Variants in MED13L observed in about 807,000 individuals in gnomAD.
MED13L encodes mediator complex subunit 13L, also known as mediator of RNA polymerase II transcription subunit 13-like.
A neutral mutation model predicts 220.9 loss-of-function variants in MED13L; 7 were observed. That is an observed-to-expected ratio of 0.03 (90% CI 0.02 to 0.06). The LOEUF (loss-of-function observed/expected upper bound fraction) is 0.06. MED13L is among the 10% of genes least tolerant of loss of function. The probability of loss-of-function intolerance (pLI) is 1.00; values close to 1 mark genes in which losing one functional copy is unlikely to be tolerated. For synonymous variants in MED13L, 1,011 were observed against 1,015.2 expected (o/e 1.00, Z 0.08); for missense variants, 1,965 against 2,760.5 (o/e 0.71, Z 6.46).
intron 14 of MED13L, among the ~76,000 whole-genome samples, chr12:115,999,203 AG>A (rs1878593019): frequency 6.6e-6 from 1 of 152,208 alleles, no homozygotes; most frequent in Non-Finnish European, 1.5e-5. Flanking sequence ...ATTTGAGGTC[AG>A]GAGTTCGAGA....
At chr12:116,272,630 C>T (rs1023221845) in intron 1 of MED13L, among the ~76,000 whole-genome samples, 38 of 152,180 alleles carry the variant, frequency 2.5e-4, no homozygotes, top group African/African-American at 9.2e-4. Context: ...ACATACTATC[C>T]TAAACACACC....
At chr12:116,232,867 G>C (rs558522231) in intron 2 of MED13L, among the ~76,000 whole-genome samples, 1 of 152,040 alleles carries the variant, frequency 6.6e-6, no homozygotes, top group Non-Finnish European at 1.5e-5. Flanking sequence ...CGGGCGGATC[G>C]ATTGAGGTTG....
chr12:116,188,358 T>TA (rs904481928), intron 2 of MED13L, among the ~76,000 whole-genome samples: 2 of 151,456 alleles, frequency 1.3e-5, no homozygotes, highest in Non-Finnish European at 2.9e-5. Context: ...TTCAACAACT[T>TA]ACAAAGAATG....
At chr12:116,250,006 A>G (rs1237453407) in intron 1 of MED13L, among the ~76,000 whole-genome samples, 2 of 139,218 alleles carry the variant, frequency 1.4e-5, no homozygotes, top group Admixed American at 1.4e-4. Context: ...AGTTCAGTGA[A>G]CCCTAATGCA....
chr12:116,261,492 CAAA>C (rs35601745), intron 1 of MED13L, among the ~76,000 whole-genome samples: 5 of 58,140 alleles, frequency 8.6e-5, no homozygotes, highest in Admixed American at 2.0e-4. Context: ...AACTCAGTCT[CAAA>C]AAAAAAAAAA....
At chr12:116,162,871 G>A (rs1056767163) in intron 2 of MED13L, among the ~76,000 whole-genome samples, 6 of 152,028 alleles carry the variant, frequency 3.9e-5, no homozygotes, top group Non-Finnish European at 7.4e-5. Context: ...GATCATTGAA[G>A]TCTTATTAAA....
At chr12:116,007,230 C>T in intron 11 of MED13L, 181 bp downstream of exon 11, 1 of 657,172 alleles carries the variant, frequency 1.5e-6, no homozygotes, top group South Asian at 1.8e-5. Context: ...CAAAGGTGAG[C>T]CATGACATAA....
chr12:115,991,504 G>C lies in MED13L; in HGVS notation c.3450C>G (p.Pro1150=), dbSNP rs78561507. Residue 1150 remains proline, a synonymous_variant, in exon 17 of 31, where the codon CCC becomes CCG. Transcript: ENST00000281928. This position sits in a 1 kb window ranked among gnomAD's most constrained non-coding sequence, Gnocchi z 7.7. ...IKGADVGLYI[P]DSSNEDQYRC... is the part of the protein sequence containing the mutation. Reference sequence around the variant, plus strand: ...GGTACTGGTCCTCATTGGAAGAATCGGGGATGTAAAGCCCGACATCCGCCC... The same window carrying C: ...GGTACTGGTCCTCATTGGAAGAATCCGGGATGTAAAGCCCGACATCCGCCC... 6.2e-7 allele frequency: 1 copy of C among 1,614,134 alleles called. No homozygotes were observed. Among genetic ancestry groups the C allele is most frequent in the East Asian group, 2.2e-5 (1 of 44,864 alleles).
intron 4 of MED13L, among the ~76,000 whole-genome samples, chr12:116,047,601 A>G (rs1406240867): frequency 6.6e-6 from 1 of 152,214 alleles, no homozygotes; most frequent in Non-Finnish European, 1.5e-5. Context: ...GATTAAGATA[A>G]CCAGGAAATA....
At position 116,276,963 on chromosome 12, in the gene MED13L, A is replaced by C. The variant is rs573673791; in HGVS notation, c.72+97T>G. 2.9e-4 allele frequency: 389 copies of C among 1,320,792 alleles called. 1 individual carries two copies. The African/African-American group carries it at 5.1e-3, about 17-fold the overall frequency. 81.8% of individuals were successfully genotyped at this position (1,320,792 alleles called of 1,614,324 possible). A position where few individuals can be genotyped will look rare whatever the true frequency, so the allele number is the denominator to read the frequency against. ...GCGGGGAGACGCGAGGGAGGGGCGAAGTCCCGGCGGCGGGAGGAGAAAGTT... is the reference window on the plus strand; with the variant it reads ...GCGGGGAGACGCGAGGGAGGGGCGACGTCCCGGCGGCGGGAGGAGAAAGTT... On this transcript the variant is annotated intron_variant, in intron 1 of 30. Coordinates refer to ENST00000281928, the MANE Select transcript of MED13L (RefSeq NM_015335.5).
rs983714073 is a variant in MED13L at position 116,065,442 on chromosome 12, T to C, written c.479+31227A>G. 5.3e-5 allele frequency among the ~76,000 whole-genome samples: 8 copies of C among 152,328 alleles called. No homozygotes were observed. In the East Asian group the frequency reaches 5.8e-4, roughly 11 times the overall value. On this transcript the variant is annotated intron_variant, in intron 4 of 30. Coordinates refer to ENST00000281928, the MANE Select transcript of MED13L (RefSeq NM_015335.5). ...TCACTTTCACCATCATAGTGTCATA[T>C]TGATTTTTTACAATATGATCTGAAG...
At chr12:116,164,119 G>A (rs1232833006) in intron 2 of MED13L, among the ~76,000 whole-genome samples, 1 of 152,112 alleles carries the variant, frequency 6.6e-6, no homozygotes, top group Non-Finnish European at 1.5e-5. Context: ...AGCTATGACT[G>A]GGTTCAATGC....
In MED13L at chr12:116,119,811, A is replaced by T. The variant is rs1337227690; in HGVS notation, c.311-8299T>A. Among the ~76,000 whole-genome samples the T allele has an allele frequency of 1.4e-3, 29 of 21,356 alleles. No homozygotes were observed. In the East Asian group the frequency reaches 0.019, roughly 14 times the overall value. The allele number at this position is 21,356 out of a possible 152,430, so 14.0% of individuals were successfully genotyped here. A position where few individuals can be genotyped will look rare whatever the true frequency, so the allele number is the denominator to read the frequency against. On this transcript the variant is annotated intron_variant, in intron 2 of 30. Coordinates refer to ENST00000281928, the MANE Select transcript of MED13L (RefSeq NM_015335.5). ...AAGAGAGAAAGACCCCATATCTTTA[A>T]AAAAAAAAAAAAAAAAAAAAAAAAA... is the stretch of plus-strand genomic sequence containing the variant.
At chr12:116,276,746 G>C (rs971050498) in intron 1 of MED13L, 2 of 1,285,376 alleles carry the variant, frequency 1.6e-6, no homozygotes, top group African/African-American at 1.5e-5. Context: ...GAGGAGAAGG[G>C]GAGTGCGATT....
intron 1 of MED13L, among the ~76,000 whole-genome samples, chr12:116,256,231 A>G (rs1183665707): frequency 6.6e-6 from 1 of 151,990 alleles, no homozygotes; most frequent in Non-Finnish European, 1.5e-5. Flanking sequence ...AAAGCAGTAC[A>G]TTAATTTTCA....
chr12:115,997,072 G>A lies in MED13L; in HGVS notation c.2728C>T (p.Leu910Phe), dbSNP rs1336893095. Residue 910 changes from leucine (L) to phenylalanine (F), a missense_variant, in exon 15 of 31, where the codon CTC becomes TTC. This residue lies in a region of MED13L where 233 missense variants were observed against 306.2 expected (regional missense o/e 0.76). Coordinates refer to ENST00000281928, the MANE Select transcript of MED13L (RefSeq NM_015335.5). ...SPMVSMVSTQ[L>F]TEFKMEVEDG... The stretch of plus-strand genomic sequence containing the variant: ...TCCACTTCCATTTTGAATTCTGTGA[G>A]TTGTGTTGAAACCATACTGACCATA... The A allele has an allele frequency of 6.2e-7, 1 of 1,614,140 alleles. No individual in the cohort carries two copies. Among genetic ancestry groups the A allele is most frequent in the Non-Finnish European group, 8.5e-7 (1 of 1,180,014 alleles).
chr12:116,060,390 C>A (rs1301784732), intron 4 of MED13L, among the ~76,000 whole-genome samples: 1 of 151,934 alleles, frequency 6.6e-6, no homozygotes. Flanking sequence ...CCAGCCTGGG[C>A]AACACGGTAA....
chr12:116,211,070 A>G (rs1282729118), intron 2 of MED13L, among the ~76,000 whole-genome samples: 1 of 152,190 alleles, frequency 6.6e-6, no homozygotes, highest in Non-Finnish European at 1.5e-5. Flanking sequence ...AAACTTCGTG[A>G]CACTCTAATT....
At chr12:115,987,061 G>T in intron 18 of MED13L, 48 bp downstream of exon 18, 1 of 1,590,752 alleles carries the variant, frequency 6.3e-7, no homozygotes, top group South Asian at 1.1e-5. Context: ...GCTCTTCACT[G>T]AACAGCACTG....
Sources: allele counts gnomAD v4.1 joint callset (sites outside exome capture counted in the v4.1 genomes callset), GRCh38; gene constraint gnomAD v4.1.1; regional missense constraint gnomAD v4.1.1; non-coding constraint Gnocchi (gnomAD v3.1); transcripts MANE v1.5; gene names NCBI Gene and HGNC (gene_info 2026-07-23, HGNC 2026-07-21).